Variants in CTNNA3 observed in about 807,000 individuals in gnomAD.
The protein encoded by CTNNA3 is catenin alpha-3.
CTNNA3 carries 76 observed loss-of-function variants against 95.7 expected under a neutral mutation model. The ratio of observed to expected loss-of-function variants is 0.79; its 90% CI spans 0.66 to 0.96. The LOEUF is 0.96. Among genes scored for constraint, CTNNA3 ranks in the 40% least tolerant of loss-of-function variants. CTNNA3 has a pLI of 0.00. For missense variants in CTNNA3, 1,191 were observed against 1,089.8 expected (o/e 1.09, Z -1.31); for synonymous variants, 431 against 374.4 (o/e 1.15, Z -1.74).
chr10:66,206,717 G>A (rs1036651297), intron 13 of CTNNA3, among the ~76,000 whole-genome samples: 3 of 151,768 alleles, frequency 2.0e-5, no homozygotes, highest in Non-Finnish European at 2.9e-5. Flanking sequence ...CATTAAACTG[G>A]CCAATTAAGA....
chr10:66,849,780 C>T (rs551155377), intron 7 of CTNNA3, among the ~76,000 whole-genome samples: 2 of 152,264 alleles, frequency 1.3e-5, no homozygotes, highest in East Asian at 3.9e-4. Context: ...GGCCTCCAAA[C>T]TCAGAGGAAA....
At chr10:66,029,656 C>T (rs1483399367) in intron 15 of CTNNA3, among the ~76,000 whole-genome samples, 1 of 152,142 alleles carries the variant, frequency 6.6e-6, no homozygotes, top group African/African-American at 2.4e-5. Flanking sequence ...ACTTACTGTG[C>T]CCAATCCTTA....
At position 66,611,407 on chromosome 10, in the gene CTNNA3, C is replaced by G. The variant is rs114919829; in HGVS notation, c.1374+10285G>C. Among the ~76,000 whole-genome samples, 349 of 151,968 alleles carry G rather than the reference C, an allele frequency of 2.3e-3. 2 individuals are homozygous for G. Among genetic ancestry groups the G allele is most frequent in the African/African-American group, 7.9e-3 (329 of 41,462 alleles). ...ATATGTACCCCCAAAATATATATAA[C>G]TATGATATACCAATTAATAAACACA... is the stretch of plus-strand genomic sequence containing the variant. On this transcript the variant is annotated intron_variant, in intron 10 of 17. Coordinates refer to ENST00000433211, the MANE Select transcript of CTNNA3 (RefSeq NM_013266.4).
intron 12 of CTNNA3, among the ~76,000 whole-genome samples, chr10:66,302,177 C>T (rs2091871830): frequency 6.6e-6 from 1 of 152,016 alleles, no homozygotes; most frequent in Non-Finnish European, 1.5e-5. Flanking sequence ...AGAAGATCTA[C>T]ATAAATGGAG....
intron 11 of CTNNA3, among the ~76,000 whole-genome samples, chr10:66,485,665 A>G (rs1839700679): frequency 2.0e-5 from 3 of 152,128 alleles, no homozygotes; most frequent in Admixed American, 6.5e-5. Context: ...TATCCATACT[A>G]CTCAAAATAA....
chr10:67,297,627 T>C (rs1467636733), intron 5 of CTNNA3, among the ~76,000 whole-genome samples: 2 of 152,176 alleles, frequency 1.3e-5, no homozygotes, highest in African/African-American at 4.8e-5. Context: ...GGCAGAGAAA[T>C]AGTAGAATCA....
chr10:67,165,875 TAGAA>T (rs1252957265), intron 7 of CTNNA3, among the ~76,000 whole-genome samples: 1 of 152,196 alleles, frequency 6.6e-6, no homozygotes, highest in Admixed American at 6.5e-5. Context: ...GTTGTCAAAT[TAGAA>T]AGAGCTTGTT....
At chr10:66,729,843 G>T (rs2132661665) in intron 9 of CTNNA3, among the ~76,000 whole-genome samples, 1 of 152,274 alleles carries the variant, frequency 6.6e-6, no homozygotes, top group South Asian at 2.1e-4. Context: ...GGTGGCTCAT[G>T]CCTGTAATCC....
At chr10:67,673,407 A>C (rs1840478311) in intron 1 of CTNNA3, among the ~76,000 whole-genome samples, 1 of 150,844 alleles carries the variant, frequency 6.6e-6, no homozygotes, top group Non-Finnish European at 1.5e-5. Flanking sequence ...GTTGAATAGG[A>C]GTGGTGAGAG....
intron 7 of CTNNA3, among the ~76,000 whole-genome samples, chr10:66,864,849 T>C (rs973252477): frequency 5.3e-5 from 8 of 152,144 alleles, no homozygotes; most frequent in African/African-American, 1.9e-4. Context: ...AAAATACATA[T>C]ATATTCTTTT....
chr10:66,216,392 C>A (rs1479050052), intron 13 of CTNNA3, among the ~76,000 whole-genome samples: 2 of 152,238 alleles, frequency 1.3e-5, no homozygotes, highest in African/African-American at 4.8e-5. Context: ...ATGACTAGGG[C>A]TTCTCTTTGG....
chr10:66,448,251 T>C (rs1321779621), intron 11 of CTNNA3, among the ~76,000 whole-genome samples: 1 of 152,192 alleles, frequency 6.6e-6, no homozygotes, highest in Non-Finnish European at 1.5e-5. Flanking sequence ...AGTTCAACCA[T>C]TGTGGAAGTC....
intron 7 of CTNNA3, among the ~76,000 whole-genome samples, chr10:66,980,805 A>C (rs1024444628): frequency 2.6e-5 from 4 of 152,192 alleles, no homozygotes; most frequent in African/African-American, 9.7e-5. Context: ...ATAATCTTGA[A>C]TTTTGTAATG....
At chr10:67,485,230 T>C (rs973789093) in intron 5 of CTNNA3, among the ~76,000 whole-genome samples, 4 of 152,134 alleles carry the variant, frequency 2.6e-5, no homozygotes, top group African/African-American at 4.8e-5. Context: ...GAAAACCAAA[T>C]ACCACACGTT....
Position 66,379,174 on chromosome 10 carries a change from A to G in CTNNA3, c.1710T>C (p.Asn570=), listed in dbSNP as rs1446076056. ...TACCAGTACTTGTAAGGAAGTTAACATTTCTCATTACACCTTCCGTGTAAG... is the reference window on the plus strand; with the variant it reads ...TACCAGTACTTGTAAGGAAGTTAACGTTTCTCATTACACCTTCCGTGTAAG... ...PGAYTEGVMR[N]VNFLTSTVIP... is the part of the protein sequence containing the mutation. Residue 570 remains asparagine (N), a synonymous_variant, in exon 12 of 18, where the codon AAT becomes AAC. Coordinates refer to ENST00000433211, the MANE Select transcript of CTNNA3 (RefSeq NM_013266.4). 2 of 1,613,960 alleles carry G rather than the reference A, an allele frequency of 1.2e-6. No individual in the cohort carries two copies. The highest frequency in any genetic ancestry group is 2.2e-5 in the East Asian group (1 of 44,886).
At chr10:66,562,188 G>T (rs1211620265) in intron 10 of CTNNA3, among the ~76,000 whole-genome samples, 1 of 152,068 alleles carries the variant, frequency 6.6e-6, no homozygotes, top group Admixed American at 6.6e-5. Context: ...CAATTTTACT[G>T]AAATCTCATT....
At chr10:67,194,364 G>C (rs540147092) in intron 6 of CTNNA3, among the ~76,000 whole-genome samples, 16 of 151,836 alleles carry the variant, frequency 1.1e-4, no homozygotes, top group African/African-American at 3.4e-4. Context: ...CCAGACAATG[G>C]AATATTACTC....
chr10:66,876,032 C>G (rs1313970279), intron 7 of CTNNA3, among the ~76,000 whole-genome samples: 3 of 152,050 alleles, frequency 2.0e-5, no homozygotes, highest in African/African-American at 7.2e-5. Context: ...GAGACCATGC[C>G]CTCAGTCTCT....
intron 13 of CTNNA3, among the ~76,000 whole-genome samples, chr10:66,221,743 T>G (rs577077702): frequency 1.5e-4 from 23 of 152,350 alleles, no homozygotes; most frequent in South Asian, 8.3e-4. Flanking sequence ...TTAGAAGCTG[T>G]AGTTAAAAGC....
Sources: gnomAD v4.1 joint callset for allele counts (sites outside exome capture counted in the v4.1 genomes callset) on GRCh38, gnomAD v4.1.1 for gene constraint, MANE v1.5 for transcripts, NCBI Gene and HGNC (gene_info 2026-07-23, HGNC 2026-07-21) for gene names.